C3orf18: variants seen among roughly 807,000 people sequenced by gnomAD.
C3orf18 encodes chromosome 3 open reading frame 18, also known as uncharacterized protein C3orf18.
C3orf18 carries 12 observed loss-of-function variants against 14.1 expected under a neutral mutation model. The ratio of observed to expected loss-of-function variants is 0.85; its 90% confidence interval spans 0.55 to 1.38. The LOEUF (loss-of-function observed/expected upper bound fraction) is 1.38, where lower values mean the gene tolerates loss of function less well. Among genes scored for constraint, C3orf18 ranks in the 40% most tolerant of loss-of-function variants. The probability of loss-of-function intolerance (pLI) is 0.00; values close to 1 mark genes in which losing one functional copy is unlikely to be tolerated. For missense variants in C3orf18, 196 were observed against 213.9 expected, an observed-to-expected ratio of 0.92 and a Z score of 0.52; for synonymous variants, 82 against 87.9, an observed-to-expected ratio of 0.93 and a Z score of 0.38.
chr3:50,561,055 C>G lies in C3orf18; in HGVS notation c.270G>C (p.Lys90Asn), dbSNP rs1407991293. The G allele has an allele frequency of 1.2e-6, 2 of 1,613,796 alleles. No individual in the cohort carries two copies. The highest frequency in any genetic ancestry group is 2.7e-5 in the African/African-American group (2 of 74,926). ...LYIRKKKRLE[K>N]LRHQLMPMYN... Reference sequence around the variant, plus strand: ...ACATGGGCATGAGCTGGTGGCGTAGCTTCTCCAGCCTGGGGATGGGGGCAA... The same window carrying G: ...ACATGGGCATGAGCTGGTGGCGTAGGTTCTCCAGCCTGGGGATGGGGGCAA... Residue 90 changes from lysine (K) to asparagine (N), a missense_variant, in exon 5 of 6, where the codon AAG becomes AAC. Transcript: ENST00000357203.
At position 50,558,745 on chromosome 3, in the gene C3orf18, C is replaced by A. The variant is rs529136772; in HGVS notation, c.*912G>T. ...CAGTGGAGAGAGGAACCGTGCTGTG[C>A]GTGCTTCCCTCTTCCCTGCAGTCCC... On this transcript the variant is annotated 3_prime_UTR_variant, in exon 6 of 6. Transcript: ENST00000357203. 2 of 1,289,780 alleles carry A rather than the reference C, an allele frequency of 1.6e-6. No homozygotes were observed. Among genetic ancestry groups the A allele is most frequent in the Non-Finnish European group, 2.0e-6 (2 of 988,848 alleles). 79.9% of individuals were successfully genotyped at this position (1,289,780 alleles called of 1,614,324 possible).
chr3:50,562,012 G>A (rs1020019048), intron 3 of C3orf18: 3 of 593,054 alleles, frequency 5.1e-6, no homozygotes, highest in Admixed American at 5.9e-5. Flanking sequence ...TGATTCTCCT[G>A]CCTAAGCCTC....
chr3:50,563,718 G>A (rs1700125049), intron 3 of C3orf18, among the ~76,000 whole-genome samples: 1 of 152,208 alleles, frequency 6.6e-6, no homozygotes, highest in African/African-American at 2.4e-5. Context: ...GTCCCCAGGA[G>A]CTATCTTCTG....
upstream of C3orf18, chr3:50,571,791 C>T (rs1456829051): frequency 6.8e-6 from 11 of 1,613,836 alleles, no homozygotes; most frequent in South Asian, 5.5e-5. Context: ...GAGTAGCCGT[C>T]GATTGCAGAG....
rs1700273367 is a variant in C3orf18, at chr3:50,566,071, G to C, written c.-228C>G. 1 of 196,506 alleles carries C rather than the reference G, an allele frequency of 5.1e-6. No homozygotes were observed. The highest frequency in any genetic ancestry group is 2.3e-5 in the African/African-American group (1 of 42,622). 12.2% of individuals were successfully genotyped at this position (196,506 alleles called of 1,614,324 possible). ...GAAGCCCTGCATCCTCTGTCTGTGG[G>C]TGAGATGATCATAGTGATCAAACCT... is the stretch of plus-strand genomic sequence containing the variant. On this transcript the variant is annotated 5_prime_UTR_variant, in exon 2 of 6. Coordinates refer to ENST00000357203, the MANE Select transcript of C3orf18 (RefSeq NM_016210.5).
At chr3:50,562,876 C>T (rs1700075965) in intron 3 of C3orf18, among the ~76,000 whole-genome samples, 1 of 152,174 alleles carries the variant, frequency 6.6e-6, no homozygotes, top group South Asian at 2.1e-4. Context: ...ACATCTAGGA[C>T]CTCTAGGCCA....
At chr3:50,560,850 G>C (rs1251710544) in intron 5 of C3orf18, 67 bp downstream of exon 5, 39 of 1,495,498 alleles carry the variant, frequency 2.6e-5, no homozygotes, top group Non-Finnish European at 3.4e-5. Context: ...GCATGAGAAA[G>C]GAGGGAGGGT....
chr3:50,561,032 A>C lies in C3orf18; in HGVS notation c.293T>G (p.Met98Arg). 6.2e-7 allele frequency: 1 copy of C among 1,614,132 alleles called. No homozygotes were observed. The highest frequency in any genetic ancestry group is 1.3e-5 in the African/African-American group (1 of 75,048). Residue 98 changes from methionine (M) to arginine (R), a missense_variant, in exon 5 of 6, where the codon ATG becomes AGG. Met to Arg is a moderately conservative substitution (Grantham distance 91). Transcript: ENST00000357203. Reference sequence around the variant, plus strand: ...TTCCTCCGTGGGGTCGAAGTTGTACATGGGCATGAGCTGGTGGCGTAGCTT... The same window carrying C: ...TTCCTCCGTGGGGTCGAAGTTGTACCTGGGCATGAGCTGGTGGCGTAGCTT... Reference protein sequence around the residue: ...LEKLRHQLMPMYNFDPTEEQD... With the variant: ...LEKLRHQLMPRYNFDPTEEQD...
chr3:50,571,615 C>T, upstream of C3orf18: 3 of 1,188,692 alleles, frequency 2.5e-6, no homozygotes, highest in Middle Eastern at 2.1e-4. Context: ...GTTGGGCCTC[C>T]AGACCAGTGC....
chr3:50,568,530 C>T (rs1428537130), upstream of C3orf18, among the ~76,000 whole-genome samples: 1 of 151,906 alleles, frequency 6.6e-6, no homozygotes, highest in African/African-American at 2.4e-5. Flanking sequence ...AGTTCGAGAC[C>T]AGCCTGACCA....
Position 50,567,587 on chromosome 3 carries a change from C to T in C3orf18, c.-376G>A, listed in dbSNP as rs1700411365. The stretch of plus-strand genomic sequence containing the variant: ...GCTGCGGGTCCGACCCGAGATCCGC[C>T]CTCCCTGCAAGCCCCGAGCCGCTGG... On this transcript the variant is annotated 5_prime_UTR_variant, in exon 1 of 6. Transcript: ENST00000357203. The T allele has an allele frequency of 6.6e-6, 1 of 152,328 alleles. No homozygotes were observed. The highest frequency in any genetic ancestry group is 1.5e-5 in the Non-Finnish European group (1 of 68,112). 9.4% of individuals were successfully genotyped at this position (152,328 alleles called of 1,614,324 possible). A position where few individuals can be genotyped will look rare whatever the true frequency, so the allele number is the denominator to read the frequency against.
intron 4 of C3orf18, among the ~76,000 whole-genome samples, 153 bp downstream of exon 4, chr3:50,561,569 C>T (rs1375674488): frequency 1.3e-5 from 2 of 152,224 alleles, no homozygotes; most frequent in African/African-American, 4.8e-5. Flanking sequence ...GCCCTCAACC[C>T]TCCCCAAAGG....
upstream of C3orf18, among the ~76,000 whole-genome samples, chr3:50,568,064 T>C (rs1409857917): frequency 6.6e-6 from 1 of 152,016 alleles, no homozygotes; most frequent in African/African-American, 2.4e-5. Context: ...GGACTGGGAG[T>C]CCTTGGGCCT....
intron 3 of C3orf18, among the ~76,000 whole-genome samples, chr3:50,563,339 C>T (rs1700101263): frequency 6.6e-6 from 1 of 152,082 alleles, no homozygotes; most frequent in Non-Finnish European, 1.5e-5. Context: ...CCTGTGGTCC[C>T]CACCTCTCAG....
chr3:50,563,895 T>C (rs1227885575), intron 3 of C3orf18, among the ~76,000 whole-genome samples: 1 of 152,244 alleles, frequency 6.6e-6, no homozygotes, highest in Non-Finnish European at 1.5e-5. Context: ...CTAGGCCCCA[T>C]TCTGCCCTTA....
chr3:50,568,658 G>A (rs1700538902), upstream of C3orf18, among the ~76,000 whole-genome samples: 1 of 145,352 alleles, frequency 6.9e-6, no homozygotes, highest in Non-Finnish European at 1.5e-5. Flanking sequence ...CCCGGAGGCC[G>A]AGGTTGCAGT....
upstream of C3orf18, chr3:50,571,204 C>T (rs187889069): frequency 6.2e-7 from 1 of 1,613,794 alleles, no homozygotes; most frequent in East Asian, 2.2e-5. Context: ...ACCCCAACCA[C>T]CTCTGGCTGG....
rs1250523685 is a variant in C3orf18, at chr3:50,565,077, T to G, written c.234+389A>C. 6.6e-6 allele frequency among the ~76,000 whole-genome samples: 1 copy of G among 152,182 alleles called. No homozygotes were observed. The highest frequency in any genetic ancestry group is 1.5e-5 in the Non-Finnish European group (1 of 68,036). On this transcript the variant is annotated intron_variant, in intron 3 of 5. Transcript: ENST00000357203. The surrounding 1 kb of genome is among the most constrained non-coding windows in gnomAD (Gnocchi z 4.4). ...GAGAGGAGGACTGCACTCTCATTAATAGATTGTTGGCGGGCACAGAGGCTC... is the reference window on the plus strand; with the variant it reads ...GAGAGGAGGACTGCACTCTCATTAAGAGATTGTTGGCGGGCACAGAGGCTC...
In C3orf18 at chr3:50,558,952, G is replaced by C. The variant is rs1442466680; in HGVS notation, c.*705C>G. 7.8e-7 allele frequency: 1 copy of C among 1,287,478 alleles called. No homozygotes were observed. The highest frequency in any genetic ancestry group is 5.6e-5 in the East Asian group (1 of 17,990). The allele number at this position is 1,287,478 out of a possible 1,614,324, so 79.8% of individuals were successfully genotyped here. A position where few individuals can be genotyped will look rare whatever the true frequency, so the allele number is the denominator to read the frequency against. On this transcript the variant is annotated 3_prime_UTR_variant, in exon 6 of 6. Coordinates refer to ENST00000357203, the MANE Select transcript of C3orf18 (RefSeq NM_016210.5). ...GCATGAGGCCTCTCGGCAGGTCTGGGGGGGCTGCATCCTTCCACTTCCATT... is the reference window on the plus strand; with the variant it reads ...GCATGAGGCCTCTCGGCAGGTCTGGCGGGGCTGCATCCTTCCACTTCCATT...
Sources: allele counts gnomAD v4.1 joint callset (sites outside exome capture counted in the v4.1 genomes callset), GRCh38; gene constraint gnomAD v4.1.1; non-coding constraint Gnocchi (gnomAD v3.1); transcripts MANE v1.5; gene names NCBI Gene and HGNC (gene_info 2026-07-23, HGNC 2026-07-21).